SCAPER: variants seen among roughly 807,000 people sequenced by gnomAD.
SCAPER encodes S phase cyclin A-associated protein in the endoplasmic reticulum.
SCAPER carries 98 observed loss-of-function variants against 182.2 expected under a neutral mutation model. The ratio of observed to expected loss-of-function variants is 0.54; its 90% CI spans 0.46 to 0.64. SCAPER has a LOEUF of 0.64. Ranked by LOEUF, SCAPER falls within the 30% of genes least tolerant of loss-of-function variation. The pLI is 0.00. For synonymous variants in SCAPER, 605 were observed against 564.6 expected (o/e 1.07, Z -1.01); for missense variants, 1,432 against 1,690.0 (o/e 0.85, Z 2.68).
At chr15:76,455,474 G>GT (rs145760134) in intron 25 of SCAPER, among the ~76,000 whole-genome samples, 3 of 151,560 alleles carry the variant, frequency 2.0e-5, no homozygotes, top group South Asian at 2.1e-4. Context: ...TGTAAGCATT[G>GT]TTTTTTTTAA....
In SCAPER at chr15:76,728,594, C is replaced by T; in HGVS notation, c.2165+1G>A. On this transcript the variant is annotated splice_donor_variant, in intron 17 of 31. Coordinates refer to ENST00000563290, the MANE Select transcript of SCAPER (RefSeq NM_020843.4). LOFTEE classifies it high-confidence loss of function. Reference sequence around the variant, plus strand: ...GTTCATCAAGATAGCAAATGAGATACCTAGCTCTTTCCCGGGCTGCATCCT... The same window carrying T: ...GTTCATCAAGATAGCAAATGAGATATCTAGCTCTTTCCCGGGCTGCATCCT... 6.2e-7 allele frequency: 1 copy of T among 1,613,350 alleles called. No homozygotes were observed. The highest frequency in any genetic ancestry group is 8.5e-7 in the Non-Finnish European group (1 of 1,179,502).
At chr15:76,778,481 G>T (rs1434307089) in intron 8 of SCAPER, among the ~76,000 whole-genome samples, 1 of 151,946 alleles carries the variant, frequency 6.6e-6, no homozygotes, top group Admixed American at 6.6e-5. Context: ...CCATAGACAG[G>T]CAAGAAATGC....
chr15:76,438,739 TCTC>T (rs1381205187), intron 25 of SCAPER, among the ~76,000 whole-genome samples: 1 of 152,172 alleles, frequency 6.6e-6, no homozygotes, highest in Non-Finnish European at 1.5e-5. Flanking sequence ...CTCACCATGA[TCTC>T]CTATTTTCCA....
intron 17 of SCAPER, among the ~76,000 whole-genome samples, chr15:76,724,021 T>C (rs976590967): frequency 2.6e-5 from 4 of 152,210 alleles, no homozygotes; most frequent in South Asian, 4.1e-4. Context: ...CTAGCCTTGA[T>C]GGTCTTTACA....
At chr15:76,662,216 C>T (rs1162148716) in intron 21 of SCAPER, among the ~76,000 whole-genome samples, 1 of 152,094 alleles carries the variant, frequency 6.6e-6, no homozygotes, top group East Asian at 1.9e-4. Flanking sequence ...GGACAAATAG[C>T]TAATGTATGC....
chr15:76,784,292 C>T (rs1317658655), intron 8 of SCAPER, among the ~76,000 whole-genome samples: 3 of 152,088 alleles, frequency 2.0e-5, no homozygotes, highest in Non-Finnish European at 4.4e-5. Flanking sequence ...ACAATTGCTT[C>T]AAAGAGAATA....
chr15:76,423,282 T>C (rs934882754), intron 26 of SCAPER, among the ~76,000 whole-genome samples: 2 of 152,230 alleles, frequency 1.3e-5, no homozygotes, highest in African/African-American at 4.8e-5. Context: ...TATTAATTAT[T>C]GCCTCAATTT....
chr15:76,418,964 T>C (rs969528084), intron 26 of SCAPER, among the ~76,000 whole-genome samples: 5 of 152,188 alleles, frequency 3.3e-5, no homozygotes, highest in Non-Finnish European at 5.9e-5. Context: ...TCTGCACAAA[T>C]GTGCCTTTCT....
chr15:76,395,440 G>A (rs1237975233), intron 27 of SCAPER, among the ~76,000 whole-genome samples: 5 of 152,154 alleles, frequency 3.3e-5, no homozygotes, highest in Non-Finnish European at 7.4e-5. Context: ...CTCCATAGTG[G>A]TTGTATTAAT....
chr15:76,785,110 A>G (rs2064481408), intron 8 of SCAPER, among the ~76,000 whole-genome samples: 1 of 152,258 alleles, frequency 6.6e-6, no homozygotes. Context: ...AGAATGGGAG[A>G]GAATTTTTGC....
At chr15:76,361,449 A>G (rs952858963) in intron 29 of SCAPER, among the ~76,000 whole-genome samples, 2 of 152,244 alleles carry the variant, frequency 1.3e-5, no homozygotes, top group African/African-American at 4.8e-5. Flanking sequence ...CACAAAATCC[A>G]CACCAGTTAC....
intron 18 of SCAPER, among the ~76,000 whole-genome samples, chr15:76,704,940 T>C (rs1366410578): frequency 2.0e-5 from 3 of 152,182 alleles, no homozygotes; most frequent in Admixed American, 6.5e-5. Flanking sequence ...ACTTTTACAC[T>C]GTTGGTGGGA....
At chr15:76,706,203 G>T (rs1307881886) in intron 17 of SCAPER, among the ~76,000 whole-genome samples, 1 of 152,134 alleles carries the variant, frequency 6.6e-6, no homozygotes, top group Non-Finnish European at 1.5e-5. Context: ...CTGGACCCAG[G>T]CATGGCTTTA....
chr15:76,480,042 T>C (rs1414477996), intron 24 of SCAPER, among the ~76,000 whole-genome samples: 1 of 152,184 alleles, frequency 6.6e-6, no homozygotes, highest in East Asian at 1.9e-4. Context: ...TACGGATAAA[T>C]GTAAAAGGAC....
chr15:76,768,128 T>C (rs954245050), intron 10 of SCAPER, among the ~76,000 whole-genome samples: 2 of 152,122 alleles, frequency 1.3e-5, no homozygotes, highest in Middle Eastern at 3.2e-3. Context: ...GCAACCACTT[T>C]GGAAAGCAGT....
At position 76,388,471 on chromosome 15, in the gene SCAPER, T is replaced by G. The variant is rs535538078; in HGVS notation, c.3468-6856A>C. ...ATCCTATCTCTGAAAAAAAAAATTC[T>G]AATAATGAGAACATCTAAAAGTGAA... is the stretch of plus-strand genomic sequence containing the variant. On this transcript the variant is annotated intron_variant, in intron 27 of 31. Transcript: ENST00000563290. Among the ~76,000 whole-genome samples, 9 of 152,054 alleles carry G rather than the reference T, an allele frequency of 5.9e-5. No homozygotes were observed. In the South Asian group the frequency reaches 6.2e-4, roughly 11 times the overall value.
chr15:76,430,036 G>A (rs1351190636), intron 26 of SCAPER, among the ~76,000 whole-genome samples: 1 of 152,238 alleles, frequency 6.6e-6, no homozygotes, highest in Non-Finnish European at 1.5e-5. Context: ...AAGGGGCCAA[G>A]ATACAGCTTG....
intron 5 of SCAPER, among the ~76,000 whole-genome samples, chr15:76,805,164 T>G (rs1251728643): frequency 6.6e-6 from 1 of 152,262 alleles, no homozygotes; most frequent in East Asian, 1.9e-4. Flanking sequence ...TATTTGTTTA[T>G]TCATTTATCA....
chr15:76,737,712 G>T (rs1044426376), intron 15 of SCAPER, among the ~76,000 whole-genome samples: 1 of 152,206 alleles, frequency 6.6e-6, no homozygotes, highest in Non-Finnish European at 1.5e-5. Flanking sequence ...CAAATCTCTT[G>T]TTTGGTGCAG....
Sources: allele counts gnomAD v4.1 joint callset (sites outside exome capture counted in the v4.1 genomes callset), GRCh38; gene constraint gnomAD v4.1.1; transcripts MANE v1.5; gene names NCBI Gene and HGNC (gene_info 2026-07-23, HGNC 2026-07-21).